The following PSMD2 variants were observed in gnomAD, a reference collection of about 807,000 sequenced individuals.
PSMD2 encodes the protein 26S proteasome non-ATPase regulatory subunit 2.
Under a neutral mutation model 101.5 loss-of-function variants are expected in PSMD2, and 8 were observed. The observed-to-expected ratio is 0.08, with a 90% confidence interval of 0.05 to 0.14. PSMD2 has a LOEUF of 0.14. Ranked by LOEUF, PSMD2 falls within the 10% of genes least tolerant of loss-of-function variation. PSMD2 has a pLI of 1.00. For missense variants in PSMD2, 784 were observed against 1,147.4 expected (o/e 0.68, Z 4.58); for synonymous variants, 418 against 433.8 (o/e 0.96, Z 0.45).
intron 8 of PSMD2, 43 bp from the exon 9 acceptor site, chr3:184,303,277 C>A (rs1460477120): frequency 1.3e-6 from 2 of 1,596,458 alleles, no homozygotes; most frequent in Admixed American, 1.7e-5. Context: ...CCTGTCCTAC[C>A]TGAAACCTTC....
intron 2 of PSMD2, 131 bp downstream of exon 2, chr3:184,300,038 G>T: frequency 1.1e-6 from 1 of 951,768 alleles, no homozygotes; most frequent in South Asian, 1.4e-5. Flanking sequence ...TTGGGAGGCA[G>T]GAGAGTTACA....
In PSMD2 at chr3:184,300,734, A is replaced by G. The variant is rs1289867927; in HGVS notation, c.357+290A>G. 5.4e-6 allele frequency: 5 copies of G among 925,652 alleles called. No individual in the cohort carries two copies. The African/African-American group carries it at 6.9e-5, about 13-fold the overall frequency. The allele number at this position is 925,652 out of a possible 1,614,324, so 57.3% of individuals were successfully genotyped here. A position where few individuals can be genotyped will look rare whatever the true frequency, so the allele number is the denominator to read the frequency against. ...CTTTTCTTCTATCCCATATACATTC[A>G]TTTATCTCTAAAATATGTTCCACAT... On this transcript the variant is annotated intron_variant, in intron 3 of 20. Coordinates refer to ENST00000310118, the MANE Select transcript of PSMD2 (RefSeq NM_002808.5).
Position 184,309,023 on chromosome 3 carries a change from G to A in PSMD2, c.*133G>A. The stretch of plus-strand genomic sequence containing the variant: ...CTCTTTTGTTACTGAGTGAGATAAG[G>A]TTGTTCAATAAAGACTTTTATCCCC... On this transcript the variant is annotated 3_prime_UTR_variant, in exon 21 of 21. Coordinates refer to ENST00000310118, the MANE Select transcript of PSMD2 (RefSeq NM_002808.5). 1 of 970,452 alleles carries A rather than the reference G, an allele frequency of 1.0e-6. No individual in the cohort carries two copies. The allele number at this position is 970,452 out of a possible 1,614,324, so 60.1% of individuals were successfully genotyped here.
chr3:184,306,700 C>G, intron 15 of PSMD2, 51 bp from the exon 16 acceptor site: 2 of 1,579,316 alleles, frequency 1.3e-6, no homozygotes, highest in Non-Finnish European at 1.7e-6. Context: ...TCAAGGGTGA[C>G]TGTTTTTTAT....
At position 184,299,901 on chromosome 3, in the gene PSMD2, A is replaced by G; in HGVS notation, c.186A>G (p.Arg62=). The change falls in exon 2 of 21, where the codon CGA becomes CGG. Residue 62 remains arginine, a synonymous_variant. Coordinates refer to ENST00000310118, the MANE Select transcript of PSMD2 (RefSeq NM_002808.5). ...ATGAACTGGAGATGCTCGTGGAACG[A>G]CTAGGGGTGAGTCACGATGTTAACA... ...LQDELEMLVE[R]LGEKDTSLYR... is the part of the protein sequence containing the mutation. 4 of 1,613,626 alleles carry G rather than the reference A, an allele frequency of 2.5e-6. No homozygotes were observed. Among genetic ancestry groups the G allele is most frequent in the Non-Finnish European group, 3.4e-6 (4 of 1,179,536 alleles).
chr3:184,307,736 G>A lies in PSMD2; in HGVS notation c.2298+28G>A, dbSNP rs371296977. ...AAAGAATAGAACTCCTCCACAGAGC[G>A]TGCCGGGGAAGTATCTGTGGTGATG... On this transcript the variant is annotated intron_variant, in intron 18 of 20. Coordinates refer to ENST00000310118, the MANE Select transcript of PSMD2 (RefSeq NM_002808.5). 122 of 1,609,378 alleles carry A rather than the reference G, an allele frequency of 7.6e-5. No homozygotes were observed. The African/African-American group carries it at 1.1e-3, about 15-fold the overall frequency.
chr3:184,308,933 G>A lies in PSMD2; in HGVS notation c.*43G>A. The A allele has an allele frequency of 1.3e-6, 2 of 1,571,320 alleles. No individual in the cohort carries two copies. Among genetic ancestry groups the A allele is most frequent in the East Asian group, 2.2e-5 (1 of 44,462 alleles). On this transcript the variant is annotated 3_prime_UTR_variant, in exon 21 of 21. Coordinates refer to ENST00000310118, the MANE Select transcript of PSMD2 (RefSeq NM_002808.5). The surrounding 1 kb of genome is among the most constrained non-coding windows in gnomAD (Gnocchi z 6.0). ...TGAACTGCAGCTGATGTTATCAGCA[G>A]GCCATGCATCCTGCTGCCAAGGGTG... is the stretch of plus-strand genomic sequence containing the variant.
In PSMD2 at chr3:184,299,846, T is replaced by C. The variant is rs772271807; in HGVS notation, c.136-5T>C. The C allele has an allele frequency of 1.2e-6, 2 of 1,612,292 alleles. No individual in the cohort carries two copies. The highest frequency in any genetic ancestry group is 3.3e-5 in the Admixed American group (2 of 60,006). ...CTTCATGAGCTGCTTCTCCCAACCC[T>C]CCAGTCTGAAGAGGATAAACAGCTT... On this transcript the variant is annotated splice_polypyrimidine_tract_variant and splice_region_variant and intron_variant, in intron 1 of 20. Coordinates refer to ENST00000310118, the MANE Select transcript of PSMD2 (RefSeq NM_002808.5).
At chr3:184,306,230 T>G in intron 14 of PSMD2, 75 bp downstream of exon 14, 1 of 1,597,112 alleles carries the variant, frequency 6.3e-7, no homozygotes, top group Non-Finnish European at 8.6e-7. Context: ...ATTTTCAGGT[T>G]GTTTCTCCTT....
Position 184,308,056 on chromosome 3 carries a change from G to T in PSMD2, c.2425+40G>T. 6.2e-7 allele frequency: 1 copy of T among 1,609,886 alleles called. No homozygotes were observed. Among genetic ancestry groups the T allele is most frequent in the South Asian group, 1.1e-5 (1 of 90,920 alleles). On this transcript the variant is annotated intron_variant, in intron 19 of 20. Coordinates refer to ENST00000310118, the MANE Select transcript of PSMD2 (RefSeq NM_002808.5). This position sits in a 1 kb window ranked among gnomAD's most constrained non-coding sequence, Gnocchi z 6.0. ...GAAATTTTATATCATAGCATGCAGG[G>T]CTCTGACTCCACCCTTTCCAGGGCC...
chr3:184,302,307 G>A (rs1721673588), intron 5 of PSMD2, 63 bp from the exon 6 acceptor site: 1 of 1,407,304 alleles, frequency 7.1e-7, no homozygotes, highest in African/African-American at 3.1e-5. Context: ...TTGGGTAAGT[G>A]AATTCATGGG....
intron 15 of PSMD2, 128 bp downstream of exon 15, chr3:184,306,623 G>C: frequency 1.3e-6 from 2 of 1,526,476 alleles, no homozygotes; most frequent in Non-Finnish European, 1.8e-6. Context: ...CGTGTGACTG[G>C]GTTCTGTATG....
At chr3:184,302,107 C>T (rs779061863) in intron 5 of PSMD2, 36 bp downstream of exon 5, 2 of 1,593,270 alleles carry the variant, frequency 1.3e-6, no homozygotes, top group South Asian at 1.1e-5. Context: ...GGCAGGCATG[C>T]CCTCCTCAGC....
At position 184,301,866 on chromosome 3, in the gene PSMD2, G is replaced by C. The variant is rs1721654043; in HGVS notation, c.499G>C (p.Ala167Pro). 1 of 1,614,080 alleles carries C rather than the reference G, an allele frequency of 6.2e-7. No homozygotes were observed. The highest frequency in any genetic ancestry group is 1.3e-5 in the African/African-American group (1 of 74,930). Residue 167 changes from alanine to proline, a missense_variant, in exon 5 of 21, where the codon GCT becomes CCT. Ala to Pro is a conservative substitution (Grantham distance 27, BLOSUM62 -1). Around this residue, in one of 6 missense-constraint regions of PSMD2, gnomAD observed 208 missense variants for 301.6 expected, o/e 0.69. Transcript: ENST00000310118. Reference protein sequence around the residue: ...EYVRHLAGEVAKEWQELDDAE... With the variant: ...EYVRHLAGEVPKEWQELDDAE... ...CTGTAGGCATCTGGCAGGAGAAGTG[G>C]CTAAGGAGTGGCAGGAGCTGGATGA...
rs967300698 is a variant in PSMD2 at position 184,299,282 on chromosome 3, C to T, written c.16C>T (p.Arg6Trp). MEEGG[R>W]DKAPVQPQQS... The stretch of plus-strand genomic sequence containing the variant: ...GGCGGCGGAGATGGAGGAGGGAGGC[C>T]GGGACAAGGCGCCGGTGCAGCCCCA... Residue 6 changes from arginine to tryptophan, a missense_variant, in exon 1 of 21, where the codon CGG becomes TGG. By Grantham distance (101) the Arg-to-Trp change is moderately radical. Coordinates refer to ENST00000310118, the MANE Select transcript of PSMD2 (RefSeq NM_002808.5). 61 of 1,359,810 alleles carry T rather than the reference C, an allele frequency of 4.5e-5. No individual in the cohort carries two copies. The highest frequency in any genetic ancestry group is 5.7e-5 in the Non-Finnish European group (60 of 1,056,942). 84.2% of individuals were successfully genotyped at this position (1,359,810 alleles called of 1,614,324 possible). A position where few individuals can be genotyped will look rare whatever the true frequency, so the allele number is the denominator to read the frequency against.
rs1408993855 is a variant in PSMD2 at position 184,299,278 on chromosome 3, A to T, written c.12A>T (p.Gly4=). ...CAGTGGCGGCGGAGATGGAGGAGGG[A>T]GGCCGGGACAAGGCGCCGGTGCAGC... The part of the protein sequence containing the change: MEE[G]GRDKAPVQPQ... The change falls in exon 1 of 21, where the codon GGA becomes GGT. Residue 4 remains glycine, a synonymous_variant. Coordinates refer to ENST00000310118, the MANE Select transcript of PSMD2 (RefSeq NM_002808.5). 1.0e-5 allele frequency: 14 copies of T among 1,354,020 alleles called. No homozygotes were observed. Among genetic ancestry groups the T allele is most frequent in the Non-Finnish European group, 1.3e-5 (14 of 1,053,636 alleles). The allele number at this position is 1,354,020 out of a possible 1,614,324, so 83.9% of individuals were successfully genotyped here. A position where few individuals can be genotyped will look rare whatever the true frequency, so the allele number is the denominator to read the frequency against.
Position 184,308,146 on chromosome 3 carries a change from C to A in PSMD2, c.2425+130C>A. ...TATCGCTCTAGGTTTCTGAGACAGG[C>A]TTTGGGCCTGTGACATGAGACTTTC... On this transcript the variant is annotated intron_variant, in intron 19 of 20. Coordinates refer to ENST00000310118, the MANE Select transcript of PSMD2 (RefSeq NM_002808.5). This position sits in a 1 kb window ranked among gnomAD's most constrained non-coding sequence, Gnocchi z 6.0. 2 of 1,249,060 alleles carry A rather than the reference C, an allele frequency of 1.6e-6. No individual in the cohort carries two copies. The highest frequency in any genetic ancestry group is 2.2e-6 in the Non-Finnish European group (2 of 915,230). The allele number at this position is 1,249,060 out of a possible 1,614,324, so 77.4% of individuals were successfully genotyped here. A position where few individuals can be genotyped will look rare whatever the true frequency, so the allele number is the denominator to read the frequency against.
At chr3:184,301,775 T>C (rs770768922) in intron 4 of PSMD2, 72 bp from the exon 5 acceptor site, 21 of 1,609,944 alleles carry the variant, frequency 1.3e-5, no homozygotes, top group Non-Finnish European at 1.8e-5. Context: ...TCCCAGACGC[T>C]GGATTCCTTG....
Position 184,308,752 on chromosome 3 carries a change from A to G in PSMD2, c.2589A>G (p.Thr863=), listed in dbSNP as rs748141592. 1 of 1,614,190 alleles carries G rather than the reference A, an allele frequency of 6.2e-7. No individual in the cohort carries two copies. Among genetic ancestry groups the G allele is most frequent in the Non-Finnish European group, 8.5e-7 (1 of 1,179,998 alleles). The change falls in exon 21 of 21, where the codon ACA becomes ACG. Residue 863 remains threonine (T), a synonymous_variant. Coordinates refer to ENST00000310118, the MANE Select transcript of PSMD2 (RefSeq NM_002808.5). This position sits in a 1 kb window ranked among gnomAD's most constrained non-coding sequence, Gnocchi z 6.0. ...AGGCTGGCAAGCCGAAGACTATCACAGGGTTCCAGACGCATACAACCCCAG... is the reference window on the plus strand; with the variant it reads ...AGGCTGGCAAGCCGAAGACTATCACGGGGTTCCAGACGCATACAACCCCAG... The part of the protein sequence containing the change: ...VGQAGKPKTI[T]GFQTHTTPVL...
Sources: gnomAD v4.1 joint callset for allele counts on GRCh38, gnomAD v4.1.1 for gene constraint, gnomAD v4.1.1 regional missense constraint, Gnocchi (gnomAD v3.1) non-coding constraint, MANE v1.5 for transcripts, NCBI Gene and HGNC (gene_info 2026-07-23, HGNC 2026-07-21) for gene names.